PLEKHA4: variants seen among roughly 807,000 people sequenced by gnomAD.
PLEKHA4 encodes pleckstrin homology domain containing A4.
A neutral mutation model predicts 94.7 loss-of-function variants in PLEKHA4; 73 were observed. That is an observed-to-expected ratio of 0.77 (90% CI 0.64 to 0.94). The LOEUF is 0.94. Among genes scored for constraint, PLEKHA4 ranks in the 40% least tolerant of loss-of-function variants. The pLI is 0.00. For missense variants in PLEKHA4, 1,049 were observed against 1,054.1 expected, an observed-to-expected ratio of 1.00 and a Z score of 0.07; for synonymous variants, 449 against 437.1, an observed-to-expected ratio of 1.03 and a Z score of -0.34.
Position 48,845,371 on chromosome 19 carries a change from T to C in PLEKHA4, c.1742A>G (p.Lys581Arg), listed in dbSNP as rs778690151. 1.1e-5 allele frequency: 17 copies of C among 1,612,436 alleles called. No homozygotes were observed. Among genetic ancestry groups the C allele is most frequent in the Non-Finnish European group, 1.4e-5 (16 of 1,179,754 alleles). The change falls in exon 16 of 20, where the codon AAG (lysine) becomes AGG (arginine). Residue 581 changes from lysine (K) to arginine (R), a missense_variant and splice_region_variant. By Grantham distance (26) the Lys-to-Arg change is conservative. Transcript: ENST00000263265. ...RHLPSPQLGT[K>R]APVARPRMSA... is the part of the protein sequence containing the mutation. ...TTACAGGATGGACCTACAGCTTACCTTGGTTCCTAGCTGTGGGGAAGGGAG... is the reference window on the plus strand; with the variant it reads ...TTACAGGATGGACCTACAGCTTACCCTGGTTCCTAGCTGTGGGGAAGGGAG...
intron 8 of PLEKHA4, 25 bp from the exon 9 acceptor site, chr19:48,857,521 T>A: frequency 7.2e-7 from 1 of 1,393,148 alleles, no homozygotes; most frequent in Non-Finnish European, 1.0e-6. Context: ...GAAATGGAGA[T>A]GTTTAGAAAC....
chr19:48,849,045 G>A (rs34879789), intron 13 of PLEKHA4, among the ~76,000 whole-genome samples: 8,469 of 151,862 alleles, frequency 0.056, 557 homozygotes, highest in African/African-American at 0.16. Context: ...GACCACAGGC[G>A]TGCACAACCA....
At chr19:48,863,575 C>T (rs1599932797) in intron 3 of PLEKHA4, among the ~76,000 whole-genome samples, 2 of 151,830 alleles carry the variant, frequency 1.3e-5, no homozygotes, top group Admixed American at 6.6e-5. Context: ...GGACTGCAGG[C>T]GACCACCACC....
Position 48,839,210 on chromosome 19 carries a change from C to G in PLEKHA4, c.1959G>C (p.Trp653Cys). The change falls in exon 18 of 20, where the codon TGG becomes TGC. Residue 653 changes from tryptophan (W) to cysteine (C), a missense_variant. Physicochemically the swap from Trp to Cys is radical, Grantham distance 215. Coordinates refer to ENST00000263265, the MANE Select transcript of PLEKHA4 (RefSeq NM_020904.3). The part of the protein sequence containing the change: ...AQKWLRSSGS[W>C]SSPRNTTPYL... The stretch of plus-strand genomic sequence containing the variant: ...TACGCCCTCCAGTTCCTTACCTACT[C>G]CAGGACCCAGAGCTTCTGAGCCATT... 5 of 1,594,460 alleles carry G rather than the reference C, an allele frequency of 3.1e-6. No homozygotes were observed. The highest frequency in any genetic ancestry group is 4.3e-6 in the Non-Finnish European group (5 of 1,167,962).
chr19:48,859,417 C>T lies in PLEKHA4; in HGVS notation c.692+52G>A, dbSNP rs1273799290. On this transcript the variant is annotated intron_variant, in intron 7 of 19. Transcript: ENST00000263265. Reference sequence around the variant, plus strand: ...CTAAGGCCCGCCCCCAACCAGTTTCCGGCCCTGCCCTTCTCTTAGGCCACG... The same window carrying T: ...CTAAGGCCCGCCCCCAACCAGTTTCTGGCCCTGCCCTTCTCTTAGGCCACG... The T allele has an allele frequency of 7.5e-6, 12 of 1,589,750 alleles. No homozygotes were observed. In the African/African-American group the frequency reaches 1.2e-4, roughly 16 times the overall value.
chr19:48,859,617 C>A lies in PLEKHA4; in HGVS notation c.544G>T (p.Glu182Ter). Residue 182 changes from glutamate (E) to a stop codon, truncating the protein, a stop_gained, in exon 7 of 20, where the codon GAG (glutamate) becomes TAG (stop). Transcript: ENST00000263265. LOFTEE classifies it high-confidence loss of function. The part of the protein sequence containing the change: ...EGPGGPGGPP[E>*]VSRGEEGRIS... The stretch of plus-strand genomic sequence containing the variant: ...CGCCCCTCTTCCCCTCTGCTCACCT[C>A]CGGGGGACCACCGGGGCCGCCGGGG... 1 of 1,613,326 alleles carries A rather than the reference C, an allele frequency of 6.2e-7. No individual in the cohort carries two copies. Among genetic ancestry groups the A allele is most frequent in the Non-Finnish European group, 8.5e-7 (1 of 1,179,980 alleles).
intron 13 of PLEKHA4, among the ~76,000 whole-genome samples, chr19:48,849,326 T>G (rs1203697583): frequency 1.3e-5 from 2 of 151,560 alleles, no homozygotes; most frequent in Non-Finnish European, 2.9e-5. Context: ...TGTTGTTTTT[T>G]AAGATGGAGT....
intron 6 of PLEKHA4, chr19:48,860,117 C>T: frequency 1.7e-6 from 1 of 585,528 alleles, no homozygotes; most frequent in Non-Finnish European, 3.0e-6. Flanking sequence ...GAGTGCGTGA[C>T]TGAAGGGTCA....
In PLEKHA4 at chr19:48,847,906, C is replaced by T. The variant is rs1599881238; in HGVS notation, c.1560G>A (p.Glu520=). 6.4e-7 allele frequency: 1 copy of T among 1,571,554 alleles called. No individual in the cohort carries two copies. The change falls in exon 14 of 20, where the codon GAG becomes GAA. Residue 520 remains glutamate, a synonymous_variant. Transcript: ENST00000263265. ...SPVLQGEESS[E]RESLPESLEL... is the part of the protein sequence containing the mutation. ...GGAATTATGTGCGTCTTACCTCCCT[C>T]TCTGAGGACTCCTCGCCCTGGAGCA...
chr19:48,854,275 G>C lies in PLEKHA4; in HGVS notation c.1048-11C>G. On this transcript the variant is annotated splice_polypyrimidine_tract_variant and intron_variant, in intron 9 of 19. Coordinates refer to ENST00000263265, the MANE Select transcript of PLEKHA4 (RefSeq NM_020904.3). ...CAGGGGAGGACCCGGCTGAAGAGAA[G>C]GAAAAAAGTCAGGGGTCAAAGGGGA... 1 of 1,613,656 alleles carries C rather than the reference G, an allele frequency of 6.2e-7. No homozygotes were observed. The highest frequency in any genetic ancestry group is 2.2e-5 in the East Asian group (1 of 44,886).
chr19:48,865,931 G>A (rs374780696), intron 2 of PLEKHA4, among the ~76,000 whole-genome samples: 15 of 151,588 alleles, frequency 9.9e-5, no homozygotes, highest in African/African-American at 2.9e-4. Flanking sequence ...GGAGAATGGC[G>A]AGAACCCGGG....
chr19:48,839,734 T>C (rs1315231798), intron 17 of PLEKHA4, among the ~76,000 whole-genome samples: 5 of 151,876 alleles, frequency 3.3e-5, no homozygotes, highest in Non-Finnish European at 4.4e-5. Flanking sequence ...TGTGTTCCTA[T>C]AAAGCAGCAC....
At position 48,865,531 on chromosome 19, in the gene PLEKHA4, AC is replaced by A; in HGVS notation, c.163del (p.Val55CysfsTer42). On this transcript the variant is annotated frameshift_variant, in exon 3 of 20. Transcript: ENST00000263265. LOFTEE classifies it high-confidence loss of function. ...NALRRDPNLP[V>X]HIRGWLHKQD... is the part of the protein sequence containing the mutation. The stretch of plus-strand genomic sequence containing the variant: ...CTTATGAAGCCAGCCTCGGATGTGC[AC>A]GGGAAGGTTGGGATCCCTCCTGAGC... 6.2e-7 allele frequency: 1 copy of A among 1,614,028 alleles called. No homozygotes were observed. Among genetic ancestry groups the A allele is most frequent in the Non-Finnish European group, 8.5e-7 (1 of 1,179,968 alleles).
intron 16 of PLEKHA4, among the ~76,000 whole-genome samples, chr19:48,841,823 T>C (rs2035779738): frequency 6.6e-6 from 1 of 151,912 alleles, no homozygotes; most frequent in African/African-American, 2.4e-5. Flanking sequence ...TGGTGGTGGA[T>C]GCCTGTCAGC....
chr19:48,837,214 T>C lies in PLEKHA4; in HGVS notation c.*75A>G. The C allele has an allele frequency of 1.2e-6, 2 of 1,606,298 alleles. No individual in the cohort carries two copies. The highest frequency in any genetic ancestry group is 1.7e-6 in the Non-Finnish European group (2 of 1,173,426). ...GACCAGACCACGCCCCCTGATGCCCTGAGTGGTCCCAGATCTCCGGCGGTA... is the reference window on the plus strand; with the variant it reads ...GACCAGACCACGCCCCCTGATGCCCCGAGTGGTCCCAGATCTCCGGCGGTA... On this transcript the variant is annotated 3_prime_UTR_variant, in exon 20 of 20. Coordinates refer to ENST00000263265, the MANE Select transcript of PLEKHA4 (RefSeq NM_020904.3). This position sits in a 1 kb window ranked among gnomAD's most constrained non-coding sequence, Gnocchi z 4.3.
chr19:48,867,030 C>G lies in PLEKHA4; in HGVS notation c.84+507G>C, dbSNP rs1208381897. Among the ~76,000 whole-genome samples, 1 of 152,146 alleles carries G rather than the reference C, an allele frequency of 6.6e-6. No individual in the cohort carries two copies. Reference sequence around the variant, plus strand: ...TGAGATCAGATCTCTGGGCTCTGAACTTGAGAAACAATATGTGTGGAACGG... The same window carrying G: ...TGAGATCAGATCTCTGGGCTCTGAAGTTGAGAAACAATATGTGTGGAACGG... On this transcript the variant is annotated intron_variant, in intron 2 of 19. Transcript: ENST00000263265. This position sits in a 1 kb window ranked among gnomAD's most constrained non-coding sequence, Gnocchi z 4.7.
In PLEKHA4 at chr19:48,867,315, G is replaced by T. The variant is rs922821878; in HGVS notation, c.84+222C>A. On this transcript the variant is annotated intron_variant, in intron 2 of 19. Coordinates refer to ENST00000263265, the MANE Select transcript of PLEKHA4 (RefSeq NM_020904.3). The surrounding 1 kb of genome is among the most constrained non-coding windows in gnomAD (Gnocchi z 4.7). ...TTAGCAACCAGGGTCAAGGGAGGTT[G>T]TTACTCTGGTTTAGAATTAGGAAAA... is the stretch of plus-strand genomic sequence containing the variant. Among the ~76,000 whole-genome samples, 1 of 152,296 alleles carries T rather than the reference G, an allele frequency of 6.6e-6. No individual in the cohort carries two copies. Among genetic ancestry groups the T allele is most frequent in the African/African-American group, 2.4e-5 (1 of 41,574 alleles).
At chr19:48,846,698 A>C (rs2122965370) in intron 14 of PLEKHA4, among the ~76,000 whole-genome samples, 3 of 152,024 alleles carry the variant, frequency 2.0e-5, no homozygotes, top group Admixed American at 2.0e-4. Context: ...AGCCCCAGAG[A>C]TGGAGGTTCC....
intron 14 of PLEKHA4, among the ~76,000 whole-genome samples, chr19:48,847,035 C>T (rs569734073): frequency 6.6e-6 from 1 of 152,282 alleles, no homozygotes; most frequent in East Asian, 1.9e-4. Flanking sequence ...GTGTGCACCA[C>T]TGTGCCTGGC....
Sources: allele counts gnomAD v4.1 joint callset (sites outside exome capture counted in the v4.1 genomes callset), GRCh38; gene constraint gnomAD v4.1.1; non-coding constraint Gnocchi (gnomAD v3.1); transcripts MANE v1.5; gene names NCBI Gene and HGNC (gene_info 2026-07-23, HGNC 2026-07-21).